The following PRCP variants were observed in gnomAD, a reference collection of about 807,000 sequenced individuals.
The protein encoded by PRCP is lysosomal Pro-X carboxypeptidase.
In PRCP, 46 loss-of-function variants were observed where a neutral mutation model predicts 54.2. The observed-to-expected ratio is 0.85, with a 90% confidence interval of 0.67 to 1.09. The LOEUF (loss-of-function observed/expected upper bound fraction) is 1.09. PRCP is among the 50% of genes least tolerant of loss of function. The probability of loss-of-function intolerance (pLI) is 0.00; values close to 1 mark genes in which losing one functional copy is unlikely to be tolerated. For missense variants in PRCP, 613 were observed against 596.8 expected (o/e 1.03, Z -0.28); for synonymous variants, 240 against 212.2 (o/e 1.13, Z -1.14).
upstream of PRCP, chr11:82,900,597 G>T: frequency 1.3e-6 from 1 of 741,572 alleles, no homozygotes; most frequent in Non-Finnish European, 2.4e-6. Flanking sequence ...CCATCCCCGA[G>T]GACACCGCCT....
rs535522585 is a variant in PRCP at position 82,887,815 on chromosome 11, C to T, written c.168+12420G>A. 3.9e-5 allele frequency among the ~76,000 whole-genome samples: 6 copies of T among 152,310 alleles called. No individual in the cohort carries two copies. The South Asian group carries it at 1.2e-3, about 32-fold the overall frequency. ...CCTTGTCCCATAGTTGATCTTAAGA[C>T]CGTCATTCCAAAAGGGGTCTGACAC... On this transcript the variant is annotated intron_variant, in intron 1 of 8. Coordinates refer to ENST00000313010, the MANE Select transcript of PRCP (RefSeq NM_005040.4).
intron 8 of PRCP, among the ~76,000 whole-genome samples, chr11:82,834,365 T>G (rs771450594): frequency 6.6e-6 from 1 of 152,230 alleles, no homozygotes; most frequent in Non-Finnish European, 1.5e-5. Flanking sequence ...TTTGGCACAA[T>G]TTCCTTAAAC....
intron 1 of PRCP, among the ~76,000 whole-genome samples, chr11:82,878,757 C>T (rs1410649677): frequency 1.3e-5 from 2 of 152,134 alleles, no homozygotes; most frequent in South Asian, 2.1e-4. Context: ...AATCTCTCAG[C>T]ATTTGCTTGT....
chr11:82,850,608 T>C (rs1858932818), intron 3 of PRCP, 103 bp from the exon 4 acceptor site: 1 of 952,710 alleles, frequency 1.0e-6, no homozygotes. Context: ...AGCTTTTCTC[T>C]AAATAGAATT....
At chr11:82,855,461 G>A (rs919574381) in intron 2 of PRCP, among the ~76,000 whole-genome samples, 9 of 151,904 alleles carry the variant, frequency 5.9e-5, no homozygotes, top group Non-Finnish European at 1.3e-4. Context: ...TACTAAAAAT[G>A]CAAAAAACTT....
upstream of PRCP, chr11:82,900,767 ACCCAATAT>A (rs750018961): frequency 2.1e-6 from 1 of 482,988 alleles, no homozygotes; most frequent in South Asian, 1.5e-5. Context: ...CCTTCAGGTC[ACCCAATAT>A]CCCTACCATT....
At chr11:82,855,551 G>A (rs1476212739) in intron 2 of PRCP, among the ~76,000 whole-genome samples, 2 of 152,076 alleles carry the variant, frequency 1.3e-5, no homozygotes, top group Non-Finnish European at 2.9e-5. Context: ...CCCGGGAGGC[G>A]GAGCTTGCAG....
intron 8 of PRCP, chr11:82,826,786 T>C (rs1186538982): frequency 1.3e-5 from 2 of 152,242 alleles, no homozygotes; most frequent in African/African-American, 4.8e-5. Flanking sequence ...TTGTTCATTT[T>C]TTAACTAGGG....
intron 1 of PRCP, among the ~76,000 whole-genome samples, chr11:82,879,505 T>C (rs188604750): frequency 7.7e-4 from 118 of 152,326 alleles, no homozygotes; most frequent in African/African-American, 2.6e-3. Flanking sequence ...AGTTTGTTAT[T>C]GCCAATCATC....
intron 1 of PRCP, among the ~76,000 whole-genome samples, chr11:82,895,680 T>C (rs1860103532): frequency 6.6e-6 from 1 of 152,060 alleles, no homozygotes; most frequent in Non-Finnish European, 1.5e-5. Flanking sequence ...GGAAAGTCCA[T>C]CAATAGATGA....
chr11:82,880,483 A>C (rs1162048687), intron 1 of PRCP, among the ~76,000 whole-genome samples: 2 of 152,208 alleles, frequency 1.3e-5, no homozygotes, highest in Non-Finnish European at 1.5e-5. Context: ...GACCCCTTGC[A>C]CTTCCCAGGT....
chr11:82,848,955 T>G, intron 6 of PRCP, 94 bp downstream of exon 6: 2 of 1,305,476 alleles, frequency 1.5e-6, no homozygotes, highest in Admixed American at 4.5e-5. Flanking sequence ...AGCCCCTTTG[T>G]CACTGGGACT....
Position 82,839,331 on chromosome 11 carries a change from C to T in PRCP, c.1016G>A (p.Gly339Asp). Residue 339 changes from glycine (G) to aspartate (D), a missense_variant, in exon 7 of 9, where the codon GGC (glycine) becomes GAC (aspartate). Gly to Asp is a moderately conservative substitution (Grantham distance 94). Coordinates refer to ENST00000313010, the MANE Select transcript of PRCP (RefSeq NM_005040.4). ...QALNVYYNYS[G>D]QVKCLNISET... The stretch of plus-strand genomic sequence containing the variant: ...TGAAATATTCAGGCATTTCACCTGG[C>T]CCGAATAATTGTAATATACATTCAG... 2 of 1,613,992 alleles carry T rather than the reference C, an allele frequency of 1.2e-6. No homozygotes were observed. The highest frequency in any genetic ancestry group is 1.7e-6 in the Non-Finnish European group (2 of 1,179,938).
chr11:82,898,205 C>T lies in PRCP; in HGVS notation c.168+2030G>A, dbSNP rs140423811. Among the ~76,000 whole-genome samples, 207 of 152,106 alleles carry T rather than the reference C, an allele frequency of 1.4e-3. 3 individuals are homozygous for T. The highest frequency in any genetic ancestry group is 4.7e-3 in the African/African-American group (194 of 41,480). Reference sequence around the variant, plus strand: ...TTATTATTATGGTAATAAATACATACGTGGAATCTGTATCCTAAAATATAA... The same window carrying T: ...TTATTATTATGGTAATAAATACATATGTGGAATCTGTATCCTAAAATATAA... On this transcript the variant is annotated intron_variant, in intron 1 of 8. Coordinates refer to ENST00000313010, the MANE Select transcript of PRCP (RefSeq NM_005040.4).
intron 1 of PRCP, among the ~76,000 whole-genome samples, chr11:82,876,558 T>C (rs1457690001): frequency 1.3e-5 from 2 of 152,126 alleles, no homozygotes; most frequent in African/African-American, 4.8e-5. Flanking sequence ...TACTGAATCA[T>C]GGGGGCCAGT....
At chr11:82,845,937 T>C (rs1324917163) in intron 6 of PRCP, 1 of 152,144 alleles carries the variant, frequency 6.6e-6, no homozygotes, top group African/African-American at 2.4e-5. Flanking sequence ...CAAAAGCAAA[T>C]GGAGTCTGAG....
chr11:82,877,242 G>C (rs1393120479), intron 1 of PRCP, among the ~76,000 whole-genome samples: 4 of 152,226 alleles, frequency 2.6e-5, no homozygotes, highest in Non-Finnish European at 4.4e-5. Flanking sequence ...CATTTTAAAA[G>C]GGAAACAGCA....
At chr11:82,876,012 C>T (rs772541817) in intron 1 of PRCP, among the ~76,000 whole-genome samples, 6 of 152,154 alleles carry the variant, frequency 3.9e-5, no homozygotes, top group Non-Finnish European at 5.9e-5. Context: ...AAATTACTAC[C>T]TCATCCTCAA....
intron 1 of PRCP, among the ~76,000 whole-genome samples, chr11:82,887,135 C>T (rs772357358): frequency 6.6e-6 from 1 of 152,138 alleles, no homozygotes; most frequent in Non-Finnish European, 1.5e-5. Flanking sequence ...TTATCATCTC[C>T]CTTCTTCTAG....
Sources: gnomAD v4.1 joint callset for allele counts (sites outside exome capture counted in the v4.1 genomes callset) on GRCh38, gnomAD v4.1.1 for gene constraint, MANE v1.5 for transcripts, NCBI Gene and HGNC (gene_info 2026-07-23, HGNC 2026-07-21) for gene names.